Variants in ALKBH1 observed in about 807,000 individuals in gnomAD.
ALKBH1 encodes the protein alkB homolog 1, histone H2A dioxygenase, also known as nucleic acid dioxygenase ALKBH1.
A neutral mutation model predicts 36.6 loss-of-function variants in ALKBH1; 31 were observed. The observed-to-expected ratio is 0.85, with a 90% CI of 0.64 to 1.14. The LOEUF (loss-of-function observed/expected upper bound fraction) is 1.14. Ranked by LOEUF, ALKBH1 falls within the 50% of genes most tolerant of loss-of-function variation. ALKBH1 has a pLI of 0.00. For missense variants in ALKBH1, 490 were observed against 497.3 expected (o/e 0.99, Z 0.14); for synonymous variants, 183 against 186.6 (o/e 0.98, Z 0.16).
chr14:77,685,672 G>A (rs6574388), intron 3 of ALKBH1, among the ~76,000 whole-genome samples: 24,437 of 151,642 alleles, frequency 0.16, 2,049 homozygotes, highest in East Asian at 0.26. Context: ...CCAGCTACTC[G>A]GGAGGCTGAG....
chr14:77,680,677 C>CTCTTTTTTTTTTTTTT (rs774703181), intron 3 of ALKBH1, among the ~76,000 whole-genome samples: 2 of 124,346 alleles, frequency 1.6e-5, no homozygotes, highest in African/African-American at 6.4e-5. Context: ...ATTAACTACT[C>CTCTTTTTTTTTTTTTT]TTTTTTTTTT....
At chr14:77,695,333 T>C (rs1475223498) in intron 2 of ALKBH1, among the ~76,000 whole-genome samples, 2 of 152,216 alleles carry the variant, frequency 1.3e-5, no homozygotes, top group African/African-American at 4.8e-5. Flanking sequence ...GTGCTCATTA[T>C]TGGTCTATTT....
chr14:77,702,228 G>C (rs1448747863), intron 2 of ALKBH1, among the ~76,000 whole-genome samples: 1 of 152,168 alleles, frequency 6.6e-6, no homozygotes, highest in African/African-American at 2.4e-5. Context: ...TTGAACCTGG[G>C]AGGCAGAGGC....
chr14:77,707,549 G>A (rs951906694), intron 1 of ALKBH1, among the ~76,000 whole-genome samples: 1 of 152,172 alleles, frequency 6.6e-6, no homozygotes. Flanking sequence ...ACAGAAATGT[G>A]AGGAGACAGT....
At chr14:77,698,413 G>C (rs1259138849) in intron 2 of ALKBH1, among the ~76,000 whole-genome samples, 1 of 152,188 alleles carries the variant, frequency 6.6e-6, no homozygotes, top group Non-Finnish European at 1.5e-5. Flanking sequence ...GGGCATTGAA[G>C]GCTCAAAGGG....
chr14:77,701,040 A>C (rs2080356648), intron 2 of ALKBH1, among the ~76,000 whole-genome samples: 1 of 152,184 alleles, frequency 6.6e-6, no homozygotes, highest in Non-Finnish European at 1.5e-5. Context: ...GGCTGCAGTG[A>C]AGCGTGATTG....
In ALKBH1 at chr14:77,674,024, C is replaced by T. The variant is rs1312537414; in HGVS notation, c.958G>A (p.Glu320Lys). 1 of 1,614,188 alleles carries T rather than the reference C, an allele frequency of 6.2e-7. No homozygotes were observed. Among genetic ancestry groups the T allele is most frequent in the Admixed American group, 1.7e-5 (1 of 60,018 alleles). Residue 320 changes from glutamate (E) to lysine (K), a missense_variant, in exon 6 of 6, where the codon GAG becomes AAG. Physicochemically the swap from Glu to Lys is moderately conservative, Grantham distance 56. Transcript: ENST00000216489. ...PAVLPRDSMV[E>K]PCSMEDWQVC... ...TGCCAGTCCTCCATAGAACAAGGCT[C>T]TACCATTGAATCTCTCGGGAGGACA...
intron 3 of ALKBH1, among the ~76,000 whole-genome samples, chr14:77,688,275 A>G (rs957528768): frequency 1.4e-5 from 2 of 145,584 alleles, no homozygotes; most frequent in Non-Finnish European, 3.0e-5. Flanking sequence ...CAGAGTCTCA[A>G]TTGCTCTGCT....
At chr14:77,680,029 T>C in intron 3 of ALKBH1, 59 bp from the exon 4 acceptor site, 1 of 1,326,678 alleles carries the variant, frequency 7.5e-7, no homozygotes, top group Non-Finnish European at 1.1e-6. Flanking sequence ...AATAGCCGTT[T>C]GTATGGACTC....
chr14:77,673,716 T>C lies in ALKBH1; in HGVS notation c.*96A>G. The C allele has an allele frequency of 1.6e-6, 2 of 1,273,620 alleles. No individual in the cohort carries two copies. Among genetic ancestry groups the C allele is most frequent in the Non-Finnish European group, 2.2e-6 (2 of 912,868 alleles). 78.9% of individuals were successfully genotyped at this position (1,273,620 alleles called of 1,614,324 possible). A position where few individuals can be genotyped will look rare whatever the true frequency, so the allele number is the denominator to read the frequency against. ...ATGAGTTCTTCCCTGTCTCTGTTTT[T>C]GGCTTGTCTGGGTGCTGAAGTCCAC... On this transcript the variant is annotated 3_prime_UTR_variant, in exon 6 of 6. Transcript: ENST00000216489.
intron 1 of ALKBH1, among the ~76,000 whole-genome samples, chr14:77,705,168 A>G (rs1455056245): frequency 6.6e-6 from 1 of 152,130 alleles, no homozygotes; most frequent in Non-Finnish European, 1.5e-5. Context: ...TAATCCCAGC[A>G]CTTTGGGAGG....
At chr14:77,703,215 T>G (rs1439796533) in intron 2 of ALKBH1, among the ~76,000 whole-genome samples, 1 of 152,020 alleles carries the variant, frequency 6.6e-6, no homozygotes, top group Non-Finnish European at 1.5e-5. Flanking sequence ...ATTCCTGGGC[T>G]CAAATGATCC....
rs560486180 is a variant in ALKBH1 at position 77,678,162 on chromosome 14, T to C, written c.546+1718A>G. ...AACTGCTTAGAATAGCCAGACACCA[T>C]TGAGATCACTTTACAGGCACTGATC... On this transcript the variant is annotated intron_variant, in intron 4 of 5. Transcript: ENST00000216489. 6.8e-5 allele frequency among the ~76,000 whole-genome samples: 10 copies of C among 147,426 alleles called. No homozygotes were observed. The South Asian group carries it at 2.2e-3, about 33-fold the overall frequency.
chr14:77,680,677 C>CTCTTTTTTTTTTTTTTTTTTTTTTTTTTT (rs774703181), intron 3 of ALKBH1, among the ~76,000 whole-genome samples: 3 of 124,348 alleles, frequency 2.4e-5, no homozygotes, highest in African/African-American at 9.6e-5. Context: ...ATTAACTACT[C>CTCTTTTTTTTTTTTTTTTTTTTTTTTTTT]TTTTTTTTTT....
At chr14:77,699,899 C>T (rs566269950) in intron 2 of ALKBH1, among the ~76,000 whole-genome samples, 25 of 151,870 alleles carry the variant, frequency 1.6e-4, no homozygotes, top group South Asian at 4.2e-4. Flanking sequence ...CTAAAAAATA[C>T]AAAAAATTAG....
intron 2 of ALKBH1, among the ~76,000 whole-genome samples, chr14:77,700,960 T>C (rs1343457851): frequency 6.6e-6 from 1 of 151,996 alleles, no homozygotes; most frequent in Non-Finnish European, 1.5e-5. Context: ...CTGGACATGG[T>C]GGTGCAAGCC....
intron 3 of ALKBH1, among the ~76,000 whole-genome samples, chr14:77,686,994 A>G (rs2080271797): frequency 6.6e-6 from 1 of 152,182 alleles, no homozygotes; most frequent in Admixed American, 6.5e-5. Flanking sequence ...CCAGTCACTC[A>G]CTGCAAATGG....
In ALKBH1 at chr14:77,673,100, G is replaced by A. The variant is rs1253053351; in HGVS notation, c.*712C>T. On this transcript the variant is annotated 3_prime_UTR_variant, in exon 6 of 6. Coordinates refer to ENST00000216489, the MANE Select transcript of ALKBH1 (RefSeq NM_006020.3). ...GAGAAAACAGTAACAAAACACCCTT[G>A]GGACTTTTTTATTCCAACAATTAAA... 1 of 152,150 alleles carries A rather than the reference G, an allele frequency of 6.6e-6. No homozygotes were observed. Among genetic ancestry groups the A allele is most frequent in the Admixed American group, 6.5e-5 (1 of 15,274 alleles). 9.4% of individuals were successfully genotyped at this position (152,150 alleles called of 1,614,324 possible).
chr14:77,679,869 A>G lies in ALKBH1; in HGVS notation c.546+11T>C. 1 of 1,609,114 alleles carries G rather than the reference A, an allele frequency of 6.2e-7. No homozygotes were observed. Among genetic ancestry groups the G allele is most frequent in the Non-Finnish European group, 8.5e-7 (1 of 1,176,040 alleles). On this transcript the variant is annotated intron_variant, in intron 4 of 5. Coordinates refer to ENST00000216489, the MANE Select transcript of ALKBH1 (RefSeq NM_006020.3). ...AAACAGAAAACAAAAGAATTAAGAA[A>G]ACCTGAATACCTTACTGTCCCAGTT...
Sources: gnomAD v4.1 joint callset for allele counts (sites outside exome capture counted in the v4.1 genomes callset) on GRCh38, gnomAD v4.1.1 for gene constraint, MANE v1.5 for transcripts, NCBI Gene and HGNC (gene_info 2026-07-23, HGNC 2026-07-21) for gene names.